Variants in STK38 observed in about 807,000 individuals in gnomAD.
STK38 encodes serine/threonine kinase 38, also known as serine/threonine-protein kinase 38.
STK38 carries 26 observed loss-of-function variants against 59.0 expected under a neutral mutation model. That is an observed-to-expected ratio of 0.44 (90% CI 0.32 to 0.61). The LOEUF (loss-of-function observed/expected upper bound fraction) is 0.61. Among genes scored for constraint, STK38 ranks in the 20% least tolerant of loss-of-function variants. STK38 has a pLI of 0.04. For missense variants in STK38, 433 were observed against 566.0 expected (o/e 0.76, Z 2.38); for synonymous variants, 175 against 176.6 (o/e 0.99, Z 0.07).
At chr6:36,530,758 C>T (rs948911757) in intron 2 of STK38, among the ~76,000 whole-genome samples, 4 of 150,352 alleles carry the variant, frequency 2.7e-5, no homozygotes, top group African/African-American at 7.4e-5. Flanking sequence ...GGCACAATCT[C>T]GGCTCACTGC....
rs570290315 is a variant in STK38, at chr6:36,494,933, G to A, written c.*851C>T. 6.6e-6 allele frequency: 1 copy of A among 152,334 alleles called. No homozygotes were observed. Among genetic ancestry groups the A allele is most frequent in the South Asian group, 2.1e-4 (1 of 4,828 alleles). The allele number at this position is 152,334 out of a possible 1,614,324, so 9.4% of individuals were successfully genotyped here. A position where few individuals can be genotyped will look rare whatever the true frequency, so the allele number is the denominator to read the frequency against. On this transcript the variant is annotated 3_prime_UTR_variant, in exon 14 of 14. Coordinates refer to ENST00000229812, the MANE Select transcript of STK38 (RefSeq NM_007271.4). ...CCAGGAATAAATTGAGTTCCCATTG[G>A]CAGCACTTGCAGGTATTGCTAGTCC...
Position 36,495,008 on chromosome 6 carries a change from T to C in STK38, c.*776A>G, listed in dbSNP as rs1776666030. 6.6e-6 allele frequency: 1 copy of C among 152,384 alleles called. No individual in the cohort carries two copies. Among genetic ancestry groups the C allele is most frequent in the African/African-American group, 2.4e-5 (1 of 41,430 alleles). The allele number at this position is 152,384 out of a possible 1,614,324, so 9.4% of individuals were successfully genotyped here. On this transcript the variant is annotated 3_prime_UTR_variant, in exon 14 of 14. Transcript: ENST00000229812. The stretch of plus-strand genomic sequence containing the variant: ...TTCTGGTACAGCCGTGAAGAGAAAG[T>C]GAGGGTTTTCCACATAATCCGGGAT...
chr6:36,519,981 C>G (rs1777342366), intron 5 of STK38, among the ~76,000 whole-genome samples: 1 of 152,108 alleles, frequency 6.6e-6, no homozygotes, highest in Non-Finnish European at 1.5e-5. Flanking sequence ...TTAGTAAAAG[C>G]AAACAAAAAA....
At chr6:36,527,960 T>A (rs1050344758) in intron 2 of STK38, among the ~76,000 whole-genome samples, 4 of 146,752 alleles carry the variant, frequency 2.7e-5, no homozygotes. Flanking sequence ...AAAAAAAAAA[T>A]TAGCCAGGTG....
At chr6:36,517,694 AC>A in intron 6 of STK38, 22 bp downstream of exon 6, 1 of 1,608,028 alleles carries the variant, frequency 6.2e-7, no homozygotes, top group Non-Finnish European at 8.5e-7. Flanking sequence ...AGAAAAAATG[AC>A]CTTTCATCGT....
At chr6:36,526,184 CTT>C (rs1407056198) in intron 2 of STK38, among the ~76,000 whole-genome samples, 1 of 145,042 alleles carries the variant, frequency 6.9e-6, no homozygotes, top group Non-Finnish European at 1.5e-5. Flanking sequence ...AACAAAGACT[CTT>C]GTTTCAAAAA....
intron 2 of STK38, among the ~76,000 whole-genome samples, chr6:36,535,562 C>G (rs933990504): frequency 2.6e-5 from 4 of 152,048 alleles, no homozygotes; most frequent in Non-Finnish European, 4.4e-5. Context: ...ACGAACTGAT[C>G]TACAGAGTCA....
chr6:36,509,389 A>C (rs1777048229), intron 7 of STK38, among the ~76,000 whole-genome samples: 1 of 152,122 alleles, frequency 6.6e-6, no homozygotes, highest in African/African-American at 2.4e-5. Context: ...GGTGAGAAAA[A>C]TTGTAGAAAG....
In STK38 at chr6:36,545,017, C is replaced by T. The variant is rs527574836; in HGVS notation, c.-6+2173G>A. Among the ~76,000 whole-genome samples, 5 of 152,096 alleles carry T rather than the reference C, an allele frequency of 3.3e-5. No individual in the cohort carries two copies. In the South Asian group the frequency reaches 8.3e-4, roughly 25 times the overall value. On this transcript the variant is annotated intron_variant, in intron 1 of 13. Transcript: ENST00000229812. ...GCTAAAGAATAAAGATGGCCGGACA[C>T]GGTGGCTCATGCCTGTAATCCCAGA...
At chr6:36,505,451 T>C (rs1437334687) in intron 9 of STK38, among the ~76,000 whole-genome samples, 2 of 152,194 alleles carry the variant, frequency 1.3e-5, no homozygotes, top group Non-Finnish European at 1.5e-5. Context: ...TTCAAATAAA[T>C]CAAAACGAAT....
At chr6:36,517,595 A>G (rs1777286806) in intron 6 of STK38, 122 bp downstream of exon 6, 12 of 1,326,548 alleles carry the variant, frequency 9.0e-6, no homozygotes, top group Non-Finnish European at 1.2e-5. Flanking sequence ...TAGACCTAAA[A>G]AAGGATATAG....
In STK38 at chr6:36,494,430, A is replaced by C. The variant is rs898438121; in HGVS notation, c.*1354T>G. ...CAAATGATGCTTTAAGAGTTATCAAAACTTTTTAAAAAATAATGCATTAAT... is the reference window on the plus strand; with the variant it reads ...CAAATGATGCTTTAAGAGTTATCAACACTTTTTAAAAAATAATGCATTAAT... On this transcript the variant is annotated 3_prime_UTR_variant, in exon 14 of 14. Transcript: ENST00000229812. The C allele has an allele frequency of 1.2e-4, 18 of 152,652 alleles. No homozygotes were observed. The highest frequency in any genetic ancestry group is 2.6e-4 in the Non-Finnish European group (18 of 68,044). 9.5% of individuals were successfully genotyped at this position (152,652 alleles called of 1,614,324 possible).
chr6:36,508,311 T>C (rs588566), intron 7 of STK38, among the ~76,000 whole-genome samples: 1,553 of 152,290 alleles, frequency 0.01, 32 homozygotes, highest in African/African-American at 0.036. Context: ...ATCCCCCTAA[T>C]ACTGGATGTG....
At chr6:36,511,337 A>G (rs1245877669) in intron 7 of STK38, among the ~76,000 whole-genome samples, 5 of 151,732 alleles carry the variant, frequency 3.3e-5, no homozygotes, top group Non-Finnish European at 7.4e-5. Flanking sequence ...GAGCCTATTA[A>G]ACTCAGTATC....
At chr6:36,541,090 G>A (rs558578674) in intron 1 of STK38, among the ~76,000 whole-genome samples, 1 of 151,640 alleles carries the variant, frequency 6.6e-6, no homozygotes, top group African/African-American at 2.4e-5. Context: ...AGTAGAGACG[G>A]GATTTCACCA....
In STK38 at chr6:36,501,204, C is replaced by T. The variant is rs644002; in HGVS notation, c.835-1214G>A. Among the ~76,000 whole-genome samples the T allele has an allele frequency of 8.4e-3, 1,286 of 152,276 alleles. 23 individuals are homozygous for T. The highest frequency in any genetic ancestry group is 0.029 in the African/African-American group (1,223 of 41,538). On this transcript the variant is annotated intron_variant, in intron 9 of 13. Transcript: ENST00000229812. ...CCTGGCTCAAGTGATCCTCCCACCT[C>T]AGCCTCCCAAAGTGCTGGGATTACA...
At chr6:36,500,960 GTTTTCT>G (rs917109976) in intron 9 of STK38, among the ~76,000 whole-genome samples, 8 of 150,850 alleles carry the variant, frequency 5.3e-5, no homozygotes, top group Non-Finnish European at 8.8e-5. Context: ...TTGGAGGAAT[GTTTTCT>G]TTTTCTAAGA....
intron 2 of STK38, 65 bp from the exon 3 acceptor site, chr6:36,525,707 A>C: frequency 1.5e-6 from 2 of 1,320,718 alleles, no homozygotes; most frequent in Non-Finnish European, 2.2e-6. Flanking sequence ...AAAATTCTGT[A>C]ACTTAATACT....
chr6:36,539,300 C>T (rs1165505241), intron 2 of STK38, among the ~76,000 whole-genome samples: 3 of 151,604 alleles, frequency 2.0e-5, no homozygotes, highest in Admixed American at 6.6e-5. Context: ...GCACGAGAAC[C>T]GCTTGAACCC....
Sources: allele counts gnomAD v4.1 joint callset (sites outside exome capture counted in the v4.1 genomes callset), GRCh38; gene constraint gnomAD v4.1.1; transcripts MANE v1.5; gene names NCBI Gene and HGNC (gene_info 2026-07-23, HGNC 2026-07-21).